LCLAT1: variants seen among roughly 807,000 people sequenced by gnomAD.
The protein encoded by LCLAT1 is 1-AGP acyltransferase 8.
LCLAT1 carries 11 observed loss-of-function variants against 30.7 expected under a neutral mutation model. The observed-to-expected ratio is 0.36, with a 90% CI of 0.23 to 0.59. The LOEUF (loss-of-function observed/expected upper bound fraction) is 0.59, where lower values mean the gene tolerates loss of function less well. Ranked by LOEUF, LCLAT1 falls within the 20% of genes least tolerant of loss-of-function variation. The probability of loss-of-function intolerance (pLI) is 0.77; values close to 1 mark genes in which losing one functional copy is unlikely to be tolerated. For synonymous variants in LCLAT1, 155 were observed against 151.3 expected, an observed-to-expected ratio of 1.02 and a Z score of -0.18; for missense variants, 402 against 458.6, an observed-to-expected ratio of 0.88 and a Z score of 1.13.
chr2:30,475,880 T>C (rs1392215383), intron 1 of LCLAT1, among the ~76,000 whole-genome samples: 2 of 152,226 alleles, frequency 1.3e-5, no homozygotes, highest in Admixed American at 6.5e-5. Context: ...CAGGTTTCTC[T>C]CTCTATAAGT....
intron 5 of LCLAT1, among the ~76,000 whole-genome samples, chr2:30,638,721 C>A (rs747968601): frequency 1.3e-5 from 2 of 152,140 alleles, no homozygotes; most frequent in Non-Finnish European, 2.9e-5. Context: ...GCCCCACCAT[C>A]TACTTGGTAC....
chr2:30,482,998 G>A (rs970478304), intron 1 of LCLAT1, among the ~76,000 whole-genome samples: 1 of 152,118 alleles, frequency 6.6e-6, no homozygotes, highest in African/African-American at 2.4e-5. Context: ...AATGTAATGT[G>A]GTATTCTAAT....
At chr2:30,453,660 A>G (rs1681677159) in intron 1 of LCLAT1, among the ~76,000 whole-genome samples, 1 of 152,184 alleles carries the variant, frequency 6.6e-6, no homozygotes. Context: ...TACTGTGTAG[A>G]GGGGGAGATA....
rs146394763 is a variant in LCLAT1 at position 30,587,017 on chromosome 2, T to A, written c.628+18841T>A. ...CTAATAACTTCAAAACTTTTTGTGATCAGTCTTCTACCTCTTAGATTCCGC... is the reference window on the plus strand; with the variant it reads ...CTAATAACTTCAAAACTTTTTGTGAACAGTCTTCTACCTCTTAGATTCCGC... On this transcript the variant is annotated intron_variant, in intron 5 of 5. Transcript: ENST00000379509. 7.2e-5 allele frequency among the ~76,000 whole-genome samples: 11 copies of A among 152,322 alleles called. No individual in the cohort carries two copies. In the East Asian group the frequency reaches 2.1e-3, roughly 29 times the overall value.
chr2:30,516,062 C>T (rs1346559081), intron 1 of LCLAT1, among the ~76,000 whole-genome samples: 7 of 152,160 alleles, frequency 4.6e-5, no homozygotes, highest in Non-Finnish European at 8.8e-5. Flanking sequence ...TCAGCTCACA[C>T]CTGACCAATC....
chr2:30,457,767 A>C (rs829575), intron 1 of LCLAT1, among the ~76,000 whole-genome samples: 113,980 of 152,078 alleles, frequency 0.75, 43,448 homozygotes, highest in East Asian at 0.87. Flanking sequence ...CCTTTAACAG[A>C]TTGAACTCCA....
intron 1 of LCLAT1, among the ~76,000 whole-genome samples, chr2:30,449,960 A>C (rs1681465967): frequency 6.6e-6 from 1 of 151,794 alleles, no homozygotes; most frequent in Non-Finnish European, 1.5e-5. Flanking sequence ...TCCAGTCTTT[A>C]TTTATTAATA....
In LCLAT1 at chr2:30,615,665, A is replaced by G. The variant is rs963047008; in HGVS notation, c.629-24452A>G. 2.6e-5 allele frequency among the ~76,000 whole-genome samples: 4 copies of G among 152,206 alleles called. No homozygotes were observed. The South Asian group carries it at 8.3e-4, about 32-fold the overall frequency. ...GTTTCTGGGAGAAAAGAGACACCAC[A>G]TATCAAAAAGTCTTTCTCCATAAGA... On this transcript the variant is annotated intron_variant, in intron 5 of 5. Coordinates refer to ENST00000379509, the MANE Select transcript of LCLAT1 (RefSeq NM_001002257.3).
At chr2:30,525,465 T>A in intron 1 of LCLAT1, 122 bp from the exon 2 acceptor site, 1 of 741,530 alleles carries the variant, frequency 1.3e-6, no homozygotes, top group Non-Finnish European at 2.3e-6. Context: ...ACTCTTATAT[T>A]GTTTCTTAGA....
At chr2:30,612,258 AAAC>A (rs1667774012) in intron 5 of LCLAT1, among the ~76,000 whole-genome samples, 1 of 152,186 alleles carries the variant, frequency 6.6e-6, no homozygotes, top group African/African-American at 2.4e-5. Context: ...TTCAGTTTAA[AAAC>A]AACACTGTAT....
rs1669371113 is a variant in LCLAT1 at position 30,642,490 on chromosome 2, CT to C, written c.*1874del. Reference sequence around the variant, plus strand: ...CTAATTTATGTTTCTCTAAGATTTCCTTTGGTTGTATTTAGAAACACAAATA... The same window carrying C: ...CTAATTTATGTTTCTCTAAGATTTCCTTGGTTGTATTTAGAAACACAAATA... On this transcript the variant is annotated 3_prime_UTR_variant, in exon 6 of 6. Transcript: ENST00000379509. 1 of 148,228 alleles carries C rather than the reference CT, an allele frequency of 6.7e-6. No homozygotes were observed. Among genetic ancestry groups the C allele is most frequent in the Non-Finnish European group, 1.5e-5 (1 of 67,192 alleles). The allele number at this position is 148,228 out of a possible 1,614,324, so 9.2% of individuals were successfully genotyped here.
intron 5 of LCLAT1, among the ~76,000 whole-genome samples, chr2:30,595,247 T>C (rs1055650125): frequency 6.6e-6 from 1 of 152,126 alleles, no homozygotes; most frequent in African/African-American, 2.4e-5. Context: ...TCCTGACCAC[T>C]ATCCTTTGTG....
chr2:30,596,063 G>GTCTT (rs1666916293), intron 5 of LCLAT1, among the ~76,000 whole-genome samples: 1 of 152,072 alleles, frequency 6.6e-6, no homozygotes, highest in South Asian at 2.1e-4. Context: ...CTGATTCTGT[G>GTCTT]TCTTTGCTAT....
intron 5 of LCLAT1, among the ~76,000 whole-genome samples, chr2:30,627,694 T>C (rs751386776): frequency 2.0e-5 from 3 of 152,174 alleles, no homozygotes; most frequent in Non-Finnish European, 2.9e-5. Context: ...ATTTCTTTCT[T>C]TTTTCCTTTT....
chr2:30,519,325 G>A (rs1334347753), intron 1 of LCLAT1, among the ~76,000 whole-genome samples: 3 of 152,090 alleles, frequency 2.0e-5, no homozygotes, highest in African/African-American at 4.8e-5. Flanking sequence ...ATCTACCGTG[G>A]ACCCCTGGAC....
chr2:30,527,108 CA>C (rs1009223902), intron 2 of LCLAT1, among the ~76,000 whole-genome samples: 18 of 152,112 alleles, frequency 1.2e-4, no homozygotes, highest in African/African-American at 4.3e-4. Context: ...TTAATCATCA[CA>C]AGTAGATACT....
chr2:30,455,930 A>C (rs950944457), intron 1 of LCLAT1, among the ~76,000 whole-genome samples: 2 of 151,428 alleles, frequency 1.3e-5, no homozygotes, highest in African/African-American at 4.9e-5. Flanking sequence ...AAAAAAAAAA[A>C]AAAAAAATTG....
At chr2:30,568,009 TGTTTATTTCCCTTTA>T (rs1430589907) in intron 4 of LCLAT1, 36 bp from the exon 5 acceptor site, 1 of 956,724 alleles carries the variant, frequency 1.0e-6, no homozygotes. Context: ...TTCCTTACCT[TGTTTATTTCCCTTTA>T]GTTTATGATT....
intron 5 of LCLAT1, among the ~76,000 whole-genome samples, chr2:30,569,208 G>C (rs1464666088): frequency 6.6e-6 from 1 of 152,066 alleles, no homozygotes; most frequent in Non-Finnish European, 1.5e-5. Flanking sequence ...CTATTCAGGG[G>C]CATATATGAG....
Sources: gnomAD v4.1 joint callset for allele counts (sites outside exome capture counted in the v4.1 genomes callset) on GRCh38, gnomAD v4.1.1 for gene constraint, MANE v1.5 for transcripts, NCBI Gene and HGNC (gene_info 2026-07-23, HGNC 2026-07-21) for gene names.